CCDC102B: variants seen among roughly 807,000 people sequenced by gnomAD.
CCDC102B encodes the protein coiled-coil domain containing 102B.
In CCDC102B, 75 loss-of-function variants were observed where a neutral mutation model predicts 57.4. That is an observed-to-expected ratio of 1.31 (90% CI 1.08 to 1.58). The LOEUF (loss-of-function observed/expected upper bound fraction) is 1.58, where lower values mean the gene tolerates loss of function less well. CCDC102B is among the 40% of genes most tolerant of loss of function. The probability of loss-of-function intolerance (pLI) is 0.00; values close to 1 mark genes in which losing one functional copy is unlikely to be tolerated. For synonymous variants in CCDC102B, 206 were observed against 201.9 expected, an observed-to-expected ratio of 1.02 and a Z score of -0.17; for missense variants, 636 against 582.6, an observed-to-expected ratio of 1.09 and a Z score of -0.94.
chr18:69,036,289 C>T (rs2052289682), intron 7 of CCDC102B, among the ~76,000 whole-genome samples: 1 of 151,966 alleles, frequency 6.6e-6, no homozygotes, highest in Non-Finnish European at 1.5e-5. Flanking sequence ...ATTATGAAGA[C>T]TTAGAATATA....
rs2145507692 is a variant in CCDC102B, at chr18:69,054,854, A to G, written c.*717A>G. The G allele has an allele frequency of 1.0e-6, 1 of 985,356 alleles. No homozygotes were observed. The highest frequency in any genetic ancestry group is 4.7e-5 in the South Asian group (1 of 21,290). 61.0% of individuals were successfully genotyped at this position (985,356 alleles called of 1,614,324 possible). Reference sequence around the variant, plus strand: ...GCATCAGCATTGCAAAGTAGCATCTAGGTAGAAATCAGGCCAAAATTAAGC... The same window carrying G: ...GCATCAGCATTGCAAAGTAGCATCTGGGTAGAAATCAGGCCAAAATTAAGC... On this transcript the variant is annotated 3_prime_UTR_variant, in exon 8 of 8. Transcript: ENST00000360242.
chr18:68,850,062 C>T (rs4891344), intron 4 of CCDC102B, among the ~76,000 whole-genome samples: 43,180 of 151,918 alleles, frequency 0.28, 6,631 homozygotes, highest in Non-Finnish European at 0.34. Flanking sequence ...ATTTGTATAG[C>T]AATACATAAT....
Position 69,053,891 on chromosome 18 carries a change from A to C in CCDC102B, c.1435-139A>C. ...AATATATGTACTATTTCAAATACTT[A>C]TAGTTTTGTGGTGAGAATACTTACA... On this transcript the variant is annotated intron_variant, in intron 7 of 7. Coordinates refer to ENST00000360242, the MANE Select transcript of CCDC102B (RefSeq NM_024781.3). The C allele has an allele frequency of 6.5e-6, 4 of 617,578 alleles. No homozygotes were observed. The East Asian group carries it at 1.3e-4, about 20-fold the overall frequency. The allele number at this position is 617,578 out of a possible 1,614,324, so 38.3% of individuals were successfully genotyped here. A position where few individuals can be genotyped will look rare whatever the true frequency, so the allele number is the denominator to read the frequency against.
intron 4 of CCDC102B, among the ~76,000 whole-genome samples, chr18:68,850,310 C>G (rs2038063279): frequency 6.6e-6 from 1 of 151,952 alleles, no homozygotes; most frequent in Non-Finnish European, 1.5e-5. Context: ...ACTTCTAATC[C>G]AAATCTCTCA....
intron 6 of CCDC102B, among the ~76,000 whole-genome samples, chr18:68,984,690 C>T (rs552097486): frequency 6.6e-6 from 1 of 152,096 alleles, no homozygotes; most frequent in Admixed American, 6.5e-5. Flanking sequence ...TAATTATTTA[C>T]CTAACTTTGG....
intron 1 of CCDC102B, among the ~76,000 whole-genome samples, chr18:68,809,413 A>G (rs965698757): frequency 2.6e-5 from 4 of 152,230 alleles, no homozygotes; most frequent in Non-Finnish European, 4.4e-5. Flanking sequence ...TTGGTGTTAT[A>G]GATTATGGAA....
At chr18:68,909,305 G>A (rs935190579) in intron 6 of CCDC102B, among the ~76,000 whole-genome samples, 3 of 152,036 alleles carry the variant, frequency 2.0e-5, no homozygotes, top group Non-Finnish European at 2.9e-5. Context: ...AAAAAATAAC[G>A]ATCTAGTCTA....
intron 6 of CCDC102B, among the ~76,000 whole-genome samples, chr18:68,945,334 AAAAT>A (rs2049508791): frequency 6.6e-6 from 1 of 152,112 alleles, no homozygotes; most frequent in Non-Finnish European, 1.5e-5. Flanking sequence ...GTTCTCATCA[AAAAT>A]AAATCTGTCA....
intron 7 of CCDC102B, among the ~76,000 whole-genome samples, chr18:69,034,879 A>G (rs564589237): frequency 1.3e-4 from 20 of 151,946 alleles, no homozygotes; most frequent in African/African-American, 4.8e-4. Context: ...TATTGAGAAT[A>G]TAGCTTTTTA....
rs758527015 is a variant in CCDC102B at position 68,837,307 on chromosome 18, G to A, written c.544G>A (p.Glu182Lys). 6.2e-7 allele frequency: 1 copy of A among 1,613,626 alleles called. No individual in the cohort carries two copies. The highest frequency in any genetic ancestry group is 8.5e-7 in the Non-Finnish European group (1 of 1,179,742). The change falls in exon 2 of 8, where the codon GAG becomes AAG. Residue 182 changes from glutamate (E) to lysine (K), a missense_variant. Glu to Lys is a moderately conservative substitution (Grantham distance 56). Transcript: ENST00000360242. ...DQFQLSSQMH[E>K]SIREYLVKRQ... ...ATTTCAATTGAGTTCACAAATGCATGAGTCTATCAGAGAGTATTTGGTAAA... is the reference window on the plus strand; with the variant it reads ...ATTTCAATTGAGTTCACAAATGCATAAGTCTATCAGAGAGTATTTGGTAAA...
intron 2 of CCDC102B, among the ~76,000 whole-genome samples, chr18:68,765,576 T>C (rs780807400): frequency 4.6e-5 from 7 of 152,140 alleles, no homozygotes; most frequent in Non-Finnish European, 8.8e-5. Flanking sequence ...TTTTTAAATT[T>C]ACATAATCTA....
chr18:69,044,846 G>A (rs539876743), intron 7 of CCDC102B, among the ~76,000 whole-genome samples: 2 of 152,108 alleles, frequency 1.3e-5, no homozygotes, highest in Non-Finnish European at 2.9e-5. Context: ...CTGCCATAAC[G>A]AAATACCACA....
intron 1 of CCDC102B, among the ~76,000 whole-genome samples, chr18:68,816,706 C>T (rs548385934): frequency 3.9e-5 from 6 of 152,154 alleles, no homozygotes; most frequent in African/African-American, 1.2e-4. Context: ...CATCGTGATC[C>T]GCCCGCCTCG....
At chr18:69,017,717 T>C (rs2051708674) in intron 7 of CCDC102B, among the ~76,000 whole-genome samples, 1 of 152,184 alleles carries the variant, frequency 6.6e-6, no homozygotes, top group Non-Finnish European at 1.5e-5. Flanking sequence ...TTCTTAACTG[T>C]AGTTGTCATA....
intron 6 of CCDC102B, among the ~76,000 whole-genome samples, chr18:68,930,195 C>T (rs1568336545): frequency 6.7e-6 from 1 of 148,974 alleles, no homozygotes; most frequent in East Asian, 2.0e-4. Context: ...ATATATAACA[C>T]ATATATGAGT....
intron 5 of CCDC102B, among the ~76,000 whole-genome samples, chr18:68,896,073 G>T (rs2040231320): frequency 6.6e-6 from 1 of 151,962 alleles, no homozygotes; most frequent in African/African-American, 2.4e-5. Context: ...TGGGGTAGAT[G>T]AAGTTACCTG....
intron 6 of CCDC102B, among the ~76,000 whole-genome samples, chr18:68,982,351 A>T (rs796231859): frequency 6.6e-6 from 1 of 151,996 alleles, no homozygotes; most frequent in African/African-American, 2.4e-5. Flanking sequence ...TTCATAACCA[A>T]TAATCATCCC....
intron 6 of CCDC102B, chr18:68,899,823 T>C (rs2040376447): frequency 6.6e-6 from 1 of 152,260 alleles, no homozygotes; most frequent in East Asian, 1.9e-4. Context: ...GTATAGAGAA[T>C]GCATTTTTAA....
chr18:68,941,712 G>A (rs1170847325), intron 6 of CCDC102B, among the ~76,000 whole-genome samples: 1 of 152,032 alleles, frequency 6.6e-6, no homozygotes, highest in African/African-American at 2.4e-5. Context: ...TTATGACTTA[G>A]AGGCAAAGAA....
Sources: gnomAD v4.1 joint callset for allele counts (sites outside exome capture counted in the v4.1 genomes callset) on GRCh38, gnomAD v4.1.1 for gene constraint, MANE v1.5 for transcripts, NCBI Gene and HGNC (gene_info 2026-07-23, HGNC 2026-07-21) for gene names.